DENND4C: variants seen among roughly 807,000 people sequenced by gnomAD.
DENND4C encodes the protein DENN domain containing 4C.
DENND4C carries 108 observed loss-of-function variants against 203.0 expected under a neutral mutation model. The ratio of observed to expected loss-of-function variants is 0.53; its 90% confidence interval spans 0.46 to 0.62. The LOEUF (loss-of-function observed/expected upper bound fraction) is 0.62, where lower values mean the gene tolerates loss of function less well. DENND4C is among the 20% of genes least tolerant of loss of function. The pLI is 0.00. For synonymous variants in DENND4C, 871 were observed against 792.4 expected, an observed-to-expected ratio of 1.10 and a Z score of -1.67; for missense variants, 2,481 against 2,301.2, an observed-to-expected ratio of 1.08 and a Z score of -1.60.
intron 1 of DENND4C, among the ~76,000 whole-genome samples, chr9:19,260,752 A>G (rs1289650491): frequency 6.6e-6 from 1 of 152,076 alleles, no homozygotes; most frequent in Non-Finnish European, 1.5e-5. Flanking sequence ...ATTTTCTCCC[A>G]TCTGTAGGTT....
intron 5 of DENND4C, 112 bp downstream of exon 5, chr9:19,290,988 G>A: frequency 8.7e-7 from 1 of 1,146,374 alleles, no homozygotes; most frequent in African/African-American, 1.6e-5. Flanking sequence ...ATACATTTTG[G>A]TTTAAATTTA....
intron 1 of DENND4C, among the ~76,000 whole-genome samples, chr9:19,239,470 C>CTT (rs1259424194): frequency 6.9e-6 from 1 of 144,754 alleles, no homozygotes; most frequent in African/African-American, 2.5e-5. Flanking sequence ...AATTTATATT[C>CTT]TTTTTTTTTT....
intron 27 of DENND4C, 163 bp downstream of exon 27, chr9:19,357,317 C>A: frequency 1.6e-6 from 1 of 615,198 alleles, no homozygotes; most frequent in South Asian, 2.6e-5. Context: ...ATGAATGAAT[C>A]TGATGATAAA....
At chr9:19,298,225 C>G (rs1837851797) in intron 7 of DENND4C, 103 bp downstream of exon 7, 13 of 972,118 alleles carry the variant, frequency 1.3e-5, no homozygotes, top group Middle Eastern at 4.4e-4. Flanking sequence ...GAGCAATATG[C>G]ATTCATAAAG....
intron 2 of DENND4C, among the ~76,000 whole-genome samples, chr9:19,282,715 C>CTCTT (rs758751945): frequency 3.5e-4 from 30 of 86,666 alleles, no homozygotes; most frequent in South Asian, 1.6e-3. Context: ...TTTCTTCTCT[C>CTCTT]TTTTTTTTTT....
chr9:19,353,621 C>CT (rs1433309542), intron 26 of DENND4C, among the ~76,000 whole-genome samples: 2 of 151,746 alleles, frequency 1.3e-5, no homozygotes, highest in African/African-American at 4.8e-5. Context: ...GAGAGAGACT[C>CT]TGTCTCTGAA....
chr9:19,247,646 G>A (rs1440399481), intron 1 of DENND4C, among the ~76,000 whole-genome samples: 2 of 152,048 alleles, frequency 1.3e-5, no homozygotes, highest in Non-Finnish European at 2.9e-5. Flanking sequence ...CTCCCACCTT[G>A]GCCTCCCAAA....
At chr9:19,294,142 A>G (rs1836933555) in intron 5 of DENND4C, among the ~76,000 whole-genome samples, 1 of 152,182 alleles carries the variant, frequency 6.6e-6, no homozygotes, top group African/African-American at 2.4e-5. Flanking sequence ...GGTCAGGTAG[A>G]CCTAGAGATA....
intron 10 of DENND4C, among the ~76,000 whole-genome samples, chr9:19,305,911 T>G (rs1272058141): frequency 6.6e-6 from 1 of 152,208 alleles, no homozygotes; most frequent in East Asian, 1.9e-4. Flanking sequence ...AGATAAAGTT[T>G]GGCTACAGTA....
chr9:19,271,835 C>T (rs1172554696), intron 1 of DENND4C, among the ~76,000 whole-genome samples: 1 of 149,032 alleles, frequency 6.7e-6, no homozygotes, highest in Non-Finnish European at 1.5e-5. Context: ...CGCCATTGCA[C>T]TCCAGCCTGG....
intron 20 of DENND4C, among the ~76,000 whole-genome samples, chr9:19,338,181 A>ATG: frequency 6.6e-6 from 1 of 152,274 alleles, no homozygotes; most frequent in Middle Eastern, 3.4e-3. Flanking sequence ...TTTTTATGAA[A>ATG]CTTTTATTTT....
At position 19,261,034 on chromosome 9, in the gene DENND4C, TG is replaced by T. The variant is rs370226350; in HGVS notation, c.-17-15123del. Among the ~76,000 whole-genome samples, 18 of 152,302 alleles carry T rather than the reference TG, an allele frequency of 1.2e-4. No homozygotes were observed. The East Asian group carries it at 1.7e-3, about 15-fold the overall frequency. On this transcript the variant is annotated intron_variant, in intron 1 of 32. Coordinates refer to ENST00000434457, the MANE Select transcript of DENND4C (RefSeq NM_001330640.2). ...TAAGTATTTGTCTTGATTTGATTTT[TG>T]TATATGGTGAGAAATAGGGATCTAG... is the stretch of plus-strand genomic sequence containing the variant.
At chr9:19,293,421 T>A (rs1384644243) in intron 5 of DENND4C, among the ~76,000 whole-genome samples, 1 of 151,704 alleles carries the variant, frequency 6.6e-6, no homozygotes, top group Non-Finnish European at 1.5e-5. Context: ...AATACAGAAG[T>A]AAGGATTGAT....
At chr9:19,242,054 G>A (rs1443168387) in intron 1 of DENND4C, among the ~76,000 whole-genome samples, 1 of 152,108 alleles carries the variant, frequency 6.6e-6, no homozygotes, top group Non-Finnish European at 1.5e-5. Context: ...ACCTCCATGA[G>A]ATTATTCTAT....
At chr9:19,244,810 C>T (rs542581502) in intron 1 of DENND4C, among the ~76,000 whole-genome samples, 7 of 151,894 alleles carry the variant, frequency 4.6e-5, no homozygotes, top group African/African-American at 1.7e-4. Flanking sequence ...TAACCTGGGA[C>T]TCTTAATTCA....
At chr9:19,324,274 G>A in intron 12 of DENND4C, 88 bp from the exon 13 acceptor site, 4 of 954,884 alleles carry the variant, frequency 4.2e-6, no homozygotes, top group Non-Finnish European at 6.1e-6. Flanking sequence ...TAAAGAGAAT[G>A]TAATATAGAT....
chr9:19,371,743 AT>A lies in DENND4C; in HGVS notation c.5676-10del. The A allele has an allele frequency of 7.5e-7, 1 of 1,339,160 alleles. No homozygotes were observed. The highest frequency in any genetic ancestry group is 1.0e-6 in the Non-Finnish European group (1 of 955,178). 83.0% of individuals were successfully genotyped at this position (1,339,160 alleles called of 1,614,324 possible). On this transcript the variant is annotated splice_polypyrimidine_tract_variant and intron_variant, in intron 31 of 32. Transcript: ENST00000434457. ...ATTTGCCCATTGACTTTTAAAACATATTTGTTTTATAGGAGTTTATACAGAG... is the reference window on the plus strand; with the variant it reads ...ATTTGCCCATTGACTTTTAAAACATATTGTTTTATAGGAGTTTATACAGAG...
intron 1 of DENND4C, among the ~76,000 whole-genome samples, chr9:19,271,201 C>CTTTTTTT (rs34513200): frequency 7.7e-6 from 1 of 129,074 alleles, no homozygotes; most frequent in African/African-American, 2.9e-5. Flanking sequence ...AATATGGATT[C>CTTTTTTT]TTTTTTTTTT....
chr9:19,240,882 G>T (rs1412322815), intron 1 of DENND4C, among the ~76,000 whole-genome samples: 2 of 152,024 alleles, frequency 1.3e-5, no homozygotes, highest in Non-Finnish European at 2.9e-5. Context: ...TAGGAGAATT[G>T]AACCCAGGAG....
Sources: allele counts gnomAD v4.1 joint callset (sites outside exome capture counted in the v4.1 genomes callset), GRCh38; gene constraint gnomAD v4.1.1; transcripts MANE v1.5; gene names NCBI Gene and HGNC (gene_info 2026-07-23, HGNC 2026-07-21).